FCHO1: variants seen among roughly 807,000 people sequenced by gnomAD.
FCHO1 encodes the protein F-BAR domain only protein 1.
A neutral mutation model predicts 114.4 loss-of-function variants in FCHO1; 45 were observed. The ratio of observed to expected loss-of-function variants is 0.39; its 90% CI spans 0.31 to 0.50. FCHO1 has a LOEUF of 0.50. Among genes scored for constraint, FCHO1 ranks in the 20% least tolerant of loss-of-function variants. The pLI, the probability that FCHO1 is intolerant of heterozygous loss-of-function variation, is 0.77. For missense variants in FCHO1, 1,042 were observed against 1,209.6 expected (o/e 0.86, Z 2.06); for synonymous variants, 480 against 488.9 (o/e 0.98, Z 0.24).
rs1056681868 is a variant in FCHO1, at chr19:17,766,482, T to G, written c.195-187T>G. On this transcript the variant is annotated intron_variant, in intron 6 of 28. Transcript: ENST00000596536. Reference sequence around the variant, plus strand: ...GGGGCCTTGGGAGGAGCTATAGAGCTCCCTATGCCTCAGTTTCCCCATCTG... The same window carrying G: ...GGGGCCTTGGGAGGAGCTATAGAGCGCCCTATGCCTCAGTTTCCCCATCTG... 1.7e-4 allele frequency: 113 copies of G among 658,014 alleles called. 1 individual carries two copies. The African/African-American group carries it at 1.7e-3, about 10-fold the overall frequency. 40.8% of individuals were successfully genotyped at this position (658,014 alleles called of 1,614,324 possible). A position where few individuals can be genotyped will look rare whatever the true frequency, so the allele number is the denominator to read the frequency against.
chr19:17,750,665 C>A (rs1233407471), upstream of FCHO1, among the ~76,000 whole-genome samples: 1 of 150,466 alleles, frequency 6.6e-6, no homozygotes, highest in Non-Finnish European at 1.5e-5. Context: ...TACCATGTTG[C>A]CCAGGCTGTT....
chr19:17,786,794 T>G (rs899077947), intron 27 of FCHO1, among the ~76,000 whole-genome samples, 165 bp downstream of exon 27: 15 of 152,090 alleles, frequency 9.9e-5, no homozygotes, highest in African/African-American at 3.4e-4. Context: ...GGCATAGGTC[T>G]GTAATCCCAG....
At position 17,781,352 on chromosome 19, in the gene FCHO1, G is replaced by A; in HGVS notation, c.1740+9G>A. 1 of 1,612,424 alleles carries A rather than the reference G, an allele frequency of 6.2e-7. No homozygotes were observed. The highest frequency in any genetic ancestry group is 8.5e-7 in the Non-Finnish European group (1 of 1,178,544). On this transcript the variant is annotated intron_variant, in intron 21 of 28. Transcript: ENST00000596536. ...GTAGCAATGGGGACCTGGTAGGTGA[G>A]GGGGCGTGGCAGGAGCTGGACTGGG...
chr19:17,778,471 T>A (rs1337330202), intron 19 of FCHO1, 138 bp from the exon 20 acceptor site: 1 of 1,000,568 alleles, frequency 1.0e-6, no homozygotes, highest in African/African-American at 1.6e-5. Flanking sequence ...CCAGAAGGTG[T>A]AGCCTTGGGG....
At position 17,778,671 on chromosome 19, in the gene FCHO1, G is replaced by A; in HGVS notation, c.1414G>A (p.Val472Met). ...SPFSSSSPEN[V>M]EDSGLDSPSH... ...TTTCTCCTCCTCGTCGCCCGAAAAC[G>A]TGGAGGATTCCGGCCTGGACTCTCC... Residue 472 changes from valine to methionine, a missense_variant, in exon 20 of 29, where the codon GTG (valine) becomes ATG (methionine). Val to Met is a conservative substitution (Grantham distance 21, BLOSUM62 1). Around this residue, in one of 3 missense-constraint regions of FCHO1, gnomAD observed 455 missense variants for 455.4 expected, o/e 1.00. Coordinates refer to ENST00000596536, the MANE Select transcript of FCHO1 (RefSeq NM_015122.3). 1 of 1,571,060 alleles carries A rather than the reference G, an allele frequency of 6.4e-7. No individual in the cohort carries two copies. Among genetic ancestry groups the A allele is most frequent in the Non-Finnish European group, 8.6e-7 (1 of 1,162,660 alleles).
intron 7 of FCHO1, among the ~76,000 whole-genome samples, chr19:17,769,148 G>C (rs35234601): frequency 0.28 from 42,708 of 151,014 alleles, 7,788 homozygotes; most frequent in Non-Finnish European, 0.41. Flanking sequence ...GGTGGTGCAT[G>C]CTTGTAATCC....
At chr19:17,774,202 C>T (rs775522410) in intron 11 of FCHO1, 37 bp from the exon 12 acceptor site, 17 of 1,608,878 alleles carry the variant, frequency 1.1e-5, no homozygotes. Flanking sequence ...GGCCACCGTG[C>T]CCAGCCCCTC....
Position 17,776,023 on chromosome 19 carries a change from C to T in FCHO1, c.1044C>T (p.Asp348=). The T allele has an allele frequency of 6.2e-7, 1 of 1,609,672 alleles. No homozygotes were observed. The change falls in exon 16 of 29, where the codon GAC becomes GAT. Residue 348 remains aspartate, a synonymous_variant. Coordinates refer to ENST00000596536, the MANE Select transcript of FCHO1 (RefSeq NM_015122.3). This position sits in a 1 kb window ranked among gnomAD's most constrained non-coding sequence, Gnocchi z 4.4. ...CCCGTTTCTCGTCCAGCGACTCCGA[C>T]TTCGACGATGAAGAGCCCCGCAAGT... ...EPSRFSSSDS[D]FDDEEPRKFY...
At chr19:17,749,897 G>T (rs541003518), upstream of FCHO1, among the ~76,000 whole-genome samples, 79 of 152,138 alleles carry the variant, frequency 5.2e-4, no homozygotes, top group Non-Finnish European at 4.3e-4. Context: ...CATACACTGG[G>T]GTCCAAGAGA....
chr19:17,758,132 G>T (rs151177700), intron 4 of FCHO1, among the ~76,000 whole-genome samples: 3 of 151,756 alleles, frequency 2.0e-5, no homozygotes, highest in African/African-American at 7.3e-5. Flanking sequence ...GGAGAATGGC[G>T]TGAACCCAGG....
At chr19:17,766,151 A>G (rs1011581580) in intron 6 of FCHO1, among the ~76,000 whole-genome samples, 2 of 148,830 alleles carry the variant, frequency 1.3e-5, no homozygotes, top group African/African-American at 2.5e-5. Context: ...CAGCCTCCCA[A>G]AGTGCTGGGA....
intron 26 of FCHO1, among the ~76,000 whole-genome samples, chr19:17,785,978 T>TA (rs112956011): frequency 1.8e-4 from 26 of 147,080 alleles, no homozygotes; most frequent in East Asian, 1.0e-3. Flanking sequence ...AACAAAAATT[T>TA]AAAAAAAAAA....
At chr19:17,782,994 C>T in intron 23 of FCHO1, 23 bp from the exon 24 acceptor site, 1 of 1,612,112 alleles carries the variant, frequency 6.2e-7, no homozygotes, top group East Asian at 2.2e-5. Flanking sequence ...TAAGCCAACA[C>T]CCAGTCCCCT....
At chr19:17,778,513 C>T in intron 19 of FCHO1, 96 bp from the exon 20 acceptor site, 4 of 1,412,088 alleles carry the variant, frequency 2.8e-6, no homozygotes, top group Non-Finnish European at 3.7e-6. Flanking sequence ...GGGGGCCCCC[C>T]TGACCTTCCC....
Position 17,775,313 on chromosome 19 carries a change from C to A in FCHO1, c.946-143C>A. On this transcript the variant is annotated intron_variant, in intron 14 of 28. Transcript: ENST00000596536. The surrounding 1 kb of genome is among the most constrained non-coding windows in gnomAD (Gnocchi z 5.1). ...TTGTCCCAGGAACCTGCCCACACAC[C>A]CAGGGAAGACAGTCGTTGCCATCAG... 1 of 909,806 alleles carries A rather than the reference C, an allele frequency of 1.1e-6. No homozygotes were observed. Among genetic ancestry groups the A allele is most frequent in the Non-Finnish European group, 1.8e-6 (1 of 556,930 alleles). 56.4% of individuals were successfully genotyped at this position (909,806 alleles called of 1,614,324 possible).
intron 26 of FCHO1, among the ~76,000 whole-genome samples, chr19:17,785,833 CAAAAAAA>C (rs36116021): frequency 7.7e-6 from 1 of 130,434 alleles, no homozygotes; most frequent in South Asian, 2.6e-4. Context: ...GACTCCGTCT[CAAAAAAA>C]AAAAAAAATA....
rs1266560501 is a variant in FCHO1, at chr19:17,784,528, T to C, written c.2227-197T>C. Among the ~76,000 whole-genome samples the C allele has an allele frequency of 6.6e-6, 1 of 152,148 alleles. No homozygotes were observed. ...TTACACTTGAACTTCCCTGGGAGAC[T>C]TTGTTAGAATGAGGCGCTCTCCTGC... On this transcript the variant is annotated intron_variant, in intron 25 of 28. Transcript: ENST00000596536. The surrounding 1 kb of genome is among the most constrained non-coding windows in gnomAD (Gnocchi z 5.3).
At chr19:17,777,429 G>A (rs919801086) in intron 18 of FCHO1, among the ~76,000 whole-genome samples, 6 of 147,854 alleles carry the variant, frequency 4.1e-5, no homozygotes, top group East Asian at 4.3e-4. Context: ...CCAGCTATTC[G>A]AGAGGGTGAG....
chr19:17,749,966 G>A (rs73015720), upstream of FCHO1, among the ~76,000 whole-genome samples: 34,157 of 152,076 alleles, frequency 0.22, 4,330 homozygotes, highest in African/African-American at 0.35. Flanking sequence ...GGAAGGTCAG[G>A]AGTGGCCCAA....
Sources: allele counts gnomAD v4.1 joint callset (sites outside exome capture counted in the v4.1 genomes callset), GRCh38; gene constraint gnomAD v4.1.1; regional missense constraint gnomAD v4.1.1; non-coding constraint Gnocchi (gnomAD v3.1); transcripts MANE v1.5; gene names NCBI Gene and HGNC (gene_info 2026-07-23, HGNC 2026-07-21).